The following NAV3 variants were observed in gnomAD, a reference collection of about 807,000 sequenced individuals.
NAV3 encodes neuron navigator 3, also known as pore membrane and/or filament interacting like protein 1.
NAV3 carries 87 observed loss-of-function variants against 244.7 expected under a neutral mutation model. The observed-to-expected ratio is 0.36, with a 90% CI of 0.30 to 0.42. The LOEUF (loss-of-function observed/expected upper bound fraction) is 0.42. Among genes scored for constraint, NAV3 ranks in the 20% least tolerant of loss-of-function variants. The pLI is 1.00. For missense variants in NAV3, 2,663 were observed against 2,893.3 expected, an observed-to-expected ratio of 0.92 and a Z score of 1.83; for synonymous variants, 1,126 against 1,042.2, an observed-to-expected ratio of 1.08 and a Z score of -1.55.
chr12:77,978,512 A>G (rs1014071204), intron 5 of NAV3, among the ~76,000 whole-genome samples: 1 of 152,064 alleles, frequency 6.6e-6, no homozygotes, highest in Non-Finnish European at 1.5e-5. Context: ...ACTATATGAA[A>G]TTATTTATTA....
intron 3 of NAV3, among the ~76,000 whole-genome samples, chr12:77,952,086 A>T (rs1890955407): frequency 6.8e-6 from 1 of 147,820 alleles, no homozygotes; most frequent in African/African-American, 2.5e-5. Flanking sequence ...AAAAAAAAAC[A>T]GGTTGTTTGT....
intron 2 of NAV3, among the ~76,000 whole-genome samples, chr12:77,755,852 A>G (rs1032539469): frequency 1.3e-5 from 2 of 151,408 alleles, no homozygotes; most frequent in African/African-American, 4.9e-5. Flanking sequence ...TACCACCTCA[A>G]CCTTCCAAGT....
At chr12:77,607,798 C>T (rs576024732) in intron 2 of NAV3, among the ~76,000 whole-genome samples, 2 of 152,174 alleles carry the variant, frequency 1.3e-5, no homozygotes, top group East Asian at 1.9e-4. Context: ...TGTCTTGTCT[C>T]CTTACACAGA....
At chr12:77,719,607 C>A (rs1204349129) in intron 2 of NAV3, among the ~76,000 whole-genome samples, 8 of 152,074 alleles carry the variant, frequency 5.3e-5, no homozygotes, top group Non-Finnish European at 1.2e-4. Context: ...GATTGAGTTA[C>A]ATATGTTCAA....
At chr12:77,794,149 C>T (rs1280687871) in intron 2 of NAV3, among the ~76,000 whole-genome samples, 3 of 152,258 alleles carry the variant, frequency 2.0e-5, no homozygotes, top group East Asian at 1.9e-4. Context: ...TCATATACTT[C>T]ACCCACTTTT....
chr12:77,786,542 G>A (rs527625365), intron 2 of NAV3, among the ~76,000 whole-genome samples: 1 of 152,104 alleles, frequency 6.6e-6, no homozygotes, highest in Admixed American at 6.6e-5. Flanking sequence ...GTTCATTTGG[G>A]CAGCATGTCA....
chr12:77,785,504 C>T (rs1464370), intron 2 of NAV3, among the ~76,000 whole-genome samples: 146,873 of 152,170 alleles, frequency 0.97, 71,104 homozygotes, highest in East Asian at 1. Context: ...CAAAAGAAGG[C>T]AAAGGGACAA....
intron 21 of NAV3, among the ~76,000 whole-genome samples, chr12:78,148,434 A>G (rs1375996522): frequency 6.6e-6 from 1 of 152,186 alleles, no homozygotes; most frequent in East Asian, 1.9e-4. Flanking sequence ...CTGAAAAAGA[A>G]CATGGAGTAT....
intron 2 of NAV3, among the ~76,000 whole-genome samples, chr12:77,651,762 T>A (rs1165868839): frequency 6.6e-6 from 1 of 152,232 alleles, no homozygotes; most frequent in African/African-American, 2.4e-5. Context: ...CTAACTCATG[T>A]CATTAAATTG....
chr12:77,723,442 GC>G (rs1876731297), intron 2 of NAV3, among the ~76,000 whole-genome samples: 1 of 151,992 alleles, frequency 6.6e-6, no homozygotes, highest in African/African-American at 2.4e-5. Context: ...ACTACATGGA[GC>G]CACTGAGCAG....
At chr12:77,805,501 A>T (rs553844357) in intron 2 of NAV3, among the ~76,000 whole-genome samples, 5 of 152,340 alleles carry the variant, frequency 3.3e-5, no homozygotes, top group African/African-American at 1.2e-4. Flanking sequence ...CCAGCCTTGC[A>T]TCCCAGGGAT....
chr12:77,831,845 C>G, intron 1 of NAV3, 141 bp downstream of exon 1: 1 of 972,994 alleles, frequency 1.0e-6, no homozygotes, highest in Non-Finnish European at 1.4e-6. Context: ...GGCTGAAAAG[C>G]TGAATATTTA....
chr12:78,015,443 C>A (rs1361278183), intron 8 of NAV3, among the ~76,000 whole-genome samples: 1 of 151,862 alleles, frequency 6.6e-6, no homozygotes, highest in Non-Finnish European at 1.5e-5. Context: ...CATAATGTTT[C>A]TAATTTGGGT....
intron 9 of NAV3, among the ~76,000 whole-genome samples, chr12:78,049,002 G>A (rs558508051): frequency 9.2e-5 from 14 of 152,272 alleles, no homozygotes; most frequent in African/African-American, 2.6e-4. Flanking sequence ...AATTCCCAGC[G>A]GGTTTGTTTA....
chr12:78,053,636 G>C (rs1883085592), intron 11 of NAV3, among the ~76,000 whole-genome samples: 1 of 152,090 alleles, frequency 6.6e-6, no homozygotes, highest in African/African-American at 2.4e-5. Flanking sequence ...TCAGCACCAA[G>C]TTTGGGGGCC....
chr12:78,172,862 A>G (rs779136756), intron 24 of NAV3, among the ~76,000 whole-genome samples: 3 of 151,590 alleles, frequency 2.0e-5, no homozygotes, highest in Non-Finnish European at 4.4e-5. Context: ...TTAAAGTGAG[A>G]AGTTATTGAA....
At chr12:78,180,450 T>C (rs1377501725) in intron 29 of NAV3, among the ~76,000 whole-genome samples, 1 of 152,134 alleles carries the variant, frequency 6.6e-6, no homozygotes, top group Non-Finnish European at 1.5e-5. Flanking sequence ...ATTGACATTA[T>C]TTTTGTTTTG....
intron 2 of NAV3, among the ~76,000 whole-genome samples, chr12:77,731,812 T>A (rs1446822429): frequency 6.6e-6 from 1 of 151,950 alleles, no homozygotes; most frequent in Non-Finnish European, 1.5e-5. Flanking sequence ...TAAAATTATA[T>A]TTTAATTAAA....
chr12:77,663,925 A>G (rs1447379215), intron 2 of NAV3, among the ~76,000 whole-genome samples: 1 of 152,186 alleles, frequency 6.6e-6, no homozygotes, highest in Non-Finnish European at 1.5e-5. Context: ...GTTTTGAACA[A>G]TAGTCCCTGG....
Sources: allele counts gnomAD v4.1 joint callset (sites outside exome capture counted in the v4.1 genomes callset), GRCh38; gene constraint gnomAD v4.1.1; transcripts MANE v1.5; gene names NCBI Gene and HGNC (gene_info 2026-07-23, HGNC 2026-07-21).